Variants in HTT observed in about 807,000 individuals in gnomAD.
HTT encodes the protein huntington disease protein.
In HTT, 104 loss-of-function variants were observed where a neutral mutation model predicts 362.3. The observed-to-expected ratio is 0.29, with a 90% CI of 0.24 to 0.34. The LOEUF (loss-of-function observed/expected upper bound fraction) is 0.34. HTT is among the 10% of genes least tolerant of loss of function. The probability of loss-of-function intolerance (pLI) is 1.00; values close to 1 mark genes in which losing one functional copy is unlikely to be tolerated. For synonymous variants in HTT, 1,577 were observed against 1,548.7 expected (o/e 1.02, Z -0.43); for missense variants, 3,301 against 3,928.6 (o/e 0.84, Z 4.27).
intron 26 of HTT, among the ~76,000 whole-genome samples, chr4:3,149,144 C>T (rs911002186): frequency 7.2e-5 from 11 of 152,312 alleles, no homozygotes; most frequent in Admixed American, 5.2e-4. Context: ...GGCTACTGTC[C>T]TGGCTAGCAT....
intron 35 of HTT, among the ~76,000 whole-genome samples, chr4:3,179,588 CGTGT>C (rs141558841): frequency 6.9e-6 from 1 of 144,308 alleles, no homozygotes; most frequent in Admixed American, 6.9e-5. Flanking sequence ...GGGTGCCTCG[CGTGT>C]GTGTGTGTGT....
At chr4:3,081,062 A>G (rs1000729161) in intron 1 of HTT, among the ~76,000 whole-genome samples, 1 of 152,238 alleles carries the variant, frequency 6.6e-6, no homozygotes, top group Non-Finnish European at 1.5e-5. Flanking sequence ...TGATTTGGCC[A>G]TGCTGGGTCC....
chr4:3,139,741 A>T (rs1375246830), intron 21 of HTT, among the ~76,000 whole-genome samples: 2 of 152,210 alleles, frequency 1.3e-5, no homozygotes, highest in Non-Finnish European at 2.9e-5. Context: ...AAGCTTTGCC[A>T]TCTGGGAGTG....
chr4:3,118,468 T>C (rs368372201), intron 8 of HTT, among the ~76,000 whole-genome samples: 216 of 152,050 alleles, frequency 1.4e-3, no homozygotes, highest in Middle Eastern at 6.8e-3. Flanking sequence ...CGGCACAGAG[T>C]TGGGAGAAGA....
At chr4:3,208,584 T>C (rs1324643825) in intron 45 of HTT, among the ~76,000 whole-genome samples, 189 bp from the exon 46 acceptor site, 1 of 152,202 alleles carries the variant, frequency 6.6e-6, no homozygotes, top group East Asian at 1.9e-4. Flanking sequence ...TCATGACCTG[T>C]TTGAGTATTG....
chr4:3,233,013 C>G, intron 60 of HTT, 150 bp from the exon 61 acceptor site: 1 of 602,476 alleles, frequency 1.7e-6, no homozygotes. Flanking sequence ...GCCAGCCTTG[C>G]ACACAGGCCT....
intron 47 of HTT, among the ~76,000 whole-genome samples, chr4:3,210,321 A>G (rs1057139638): frequency 1.3e-5 from 2 of 152,234 alleles, no homozygotes; most frequent in Non-Finnish European, 2.9e-5. Flanking sequence ...TCTAAGCTCC[A>G]TGGCCAAGAC....
chr4:3,182,283 AACAG>A, intron 36 of HTT, 67 bp from the exon 37 acceptor site: 1 of 932,458 alleles, frequency 1.1e-6, no homozygotes. Flanking sequence ...GGACAAGTAT[AACAG>A]ACGGACACGT....
chr4:3,223,595 G>A lies in HTT; in HGVS notation c.7625+35G>A, dbSNP rs752871773. 8.9e-6 allele frequency: 14 copies of A among 1,565,806 alleles called. No individual in the cohort carries two copies. The South Asian group carries it at 1.4e-4, about 16-fold the overall frequency. On this transcript the variant is annotated intron_variant, in intron 55 of 66. Coordinates refer to ENST00000355072, the MANE Select transcript of HTT (RefSeq NM_001388492.1). ...AGTTCCCACGTGTCTCTGGGACATA[G>A]CAGGTGCTGGGGACAGTGGGTTCCC...
intron 29 of HTT, among the ~76,000 whole-genome samples, chr4:3,162,492 T>C (rs1019736808): frequency 3.3e-5 from 5 of 152,246 alleles, no homozygotes; most frequent in African/African-American, 7.2e-5. Context: ...GGGGATAGCA[T>C]TGAATCTATA....
intron 46 of HTT, 117 bp from the exon 47 acceptor site, chr4:3,209,710 G>A: frequency 7.9e-7 from 1 of 1,267,478 alleles, no homozygotes; most frequent in South Asian, 1.4e-5. Flanking sequence ...CCGGCCGGCA[G>A]CCCTCTCAGC....
intron 36 of HTT, chr4:3,180,940 G>T (rs1209795305): frequency 3.4e-5 from 9 of 263,052 alleles, no homozygotes; most frequent in East Asian, 2.7e-4. Flanking sequence ...GTGGTGGCAC[G>T]ATCTTGGCTC....
At position 3,218,123 on chromosome 4, in the gene HTT, C is replaced by A. The variant is rs190763619; in HGVS notation, c.7242+171C>A. ...GCCAGGCTGCTTTCCTCAGGCACCA[C>A]GTGTGGAGGTCGCTAGTAGAAATAC... On this transcript the variant is annotated intron_variant, in intron 52 of 66. Transcript: ENST00000355072. The surrounding 1 kb of genome is among the most constrained non-coding windows in gnomAD (Gnocchi z 4.4). Among the ~76,000 whole-genome samples, 1 of 152,214 alleles carries A rather than the reference C, an allele frequency of 6.6e-6. No individual in the cohort carries two copies. The highest frequency in any genetic ancestry group is 2.4e-5 in the African/African-American group (1 of 41,452).
chr4:3,129,776 A>G (rs980622536), intron 12 of HTT, 148 bp from the exon 13 acceptor site: 2 of 908,092 alleles, frequency 2.2e-6, no homozygotes, highest in African/African-American at 1.7e-5. Flanking sequence ...CCATGCGTGC[A>G]TTTCTGTGCC....
chr4:3,178,491 G>A, intron 35 of HTT, 45 bp downstream of exon 35: 1 of 1,582,584 alleles, frequency 6.3e-7, no homozygotes, highest in Non-Finnish European at 8.6e-7. Flanking sequence ...GTCGTGATGT[G>A]CTTGGCAGTG....
intron 28 of HTT, among the ~76,000 whole-genome samples, chr4:3,157,705 C>A (rs112476331): frequency 1.2e-4 from 18 of 152,194 alleles, no homozygotes; most frequent in African/African-American, 4.3e-4. Flanking sequence ...AAACTGTTCA[C>A]CAGATACCCC....
chr4:3,154,358 A>G lies in HTT; in HGVS notation c.3564A>G (p.Lys1188=), dbSNP rs1465986621. The change falls in exon 27 of 67, where the codon AAA becomes AAG. Residue 1188 remains lysine, a synonymous_variant. Coordinates refer to ENST00000355072, the MANE Select transcript of HTT (RefSeq NM_001388492.1). Reference sequence around the variant, plus strand: ...CCATCCGACGAAAGGGGAAGGAGAAAGAACCAGGAGAACAAGCATCTGTAC... The same window carrying G: ...CCATCCGACGAAAGGGGAAGGAGAAGGAACCAGGAGAACAAGCATCTGTAC... ...LSPIRRKGKE[K]EPGEQASVPL... is the part of the protein sequence containing the mutation. 1.6e-5 allele frequency: 26 copies of G among 1,613,750 alleles called. No individual in the cohort carries two copies. Among genetic ancestry groups the G allele is most frequent in the Non-Finnish European group, 2.1e-5 (25 of 1,179,842 alleles).
intron 29 of HTT, 72 bp downstream of exon 29, chr4:3,160,464 C>T (rs1345198085): frequency 1.1e-5 from 12 of 1,057,288 alleles, no homozygotes; most frequent in Non-Finnish European, 1.6e-5. Flanking sequence ...CTGAGTTCAT[C>T]TAGGATGGAG....
In HTT at chr4:3,217,064, G is replaced by A. The variant is rs903202229; in HGVS notation, c.7055-701G>A. On this transcript the variant is annotated intron_variant, in intron 51 of 66. Transcript: ENST00000355072. The stretch of plus-strand genomic sequence containing the variant: ...ATATTAATAAAGCCAACTCGTTAGC[G>A]TGGGGCTTAATTGCTTAAGTCCAAT... Among the ~76,000 whole-genome samples, 12 of 152,070 alleles carry A rather than the reference G, an allele frequency of 7.9e-5. No homozygotes were observed. The South Asian group carries it at 1.0e-3, about 13-fold the overall frequency.
Sources: gnomAD v4.1 joint callset for allele counts (sites outside exome capture counted in the v4.1 genomes callset) on GRCh38, gnomAD v4.1.1 for gene constraint, Gnocchi (gnomAD v3.1) non-coding constraint, MANE v1.5 for transcripts, NCBI Gene and HGNC (gene_info 2026-07-23, HGNC 2026-07-21) for gene names.